ITPRIP: variants seen among roughly 807,000 people sequenced by gnomAD.
The protein encoded by ITPRIP is inositol 1,4,5-trisphosphate receptor interacting protein, also known as inositol 1,4,5-trisphosphate receptor-interacting protein.
A neutral mutation model predicts 35.8 loss-of-function variants in ITPRIP; 32 were observed. That is an observed-to-expected ratio of 0.89 (90% CI 0.68 to 1.20). The LOEUF is 1.20. ITPRIP is among the 50% of genes most tolerant of loss of function. ITPRIP has a pLI of 0.00. For synonymous variants in ITPRIP, 358 were observed against 324.0 expected (o/e 1.11, Z -1.13); for missense variants, 653 against 735.6 (o/e 0.89, Z 1.30).
chr10:104,318,483 G>A (rs924598861), intron 1 of ITPRIP, among the ~76,000 whole-genome samples: 3 of 152,334 alleles, frequency 2.0e-5, no homozygotes, highest in Middle Eastern at 3.4e-3. Context: ...TGTCAACTCA[G>A]TGCAGGATGC....
At position 104,312,892 on chromosome 10, in the gene ITPRIP, T is replaced by G; in HGVS notation, c.*1516A>C. 1 of 985,402 alleles carries G rather than the reference T, an allele frequency of 1.0e-6. No homozygotes were observed. Among genetic ancestry groups the G allele is most frequent in the Non-Finnish European group, 1.2e-6 (1 of 829,938 alleles). The allele number at this position is 985,402 out of a possible 1,614,324, so 61.0% of individuals were successfully genotyped here. On this transcript the variant is annotated 3_prime_UTR_variant, in exon 2 of 2. Coordinates refer to ENST00000337478, the MANE Select transcript of ITPRIP (RefSeq NM_001272013.2). ...GGAACACGGTATATTCTTGACTCCC[T>G]GGCCCCCTGCAAGGGTAACTGAAGT...
In ITPRIP at chr10:104,311,625, T is replaced by C. The variant is rs1406495413; in HGVS notation, c.*2783A>G. Reference sequence around the variant, plus strand: ...CCCTTCCCCAACATAACCAGCCTCTTGGCCTAGGGGCCAACTCTATTCATT... The same window carrying C: ...CCCTTCCCCAACATAACCAGCCTCTCGGCCTAGGGGCCAACTCTATTCATT... On this transcript the variant is annotated 3_prime_UTR_variant, in exon 2 of 2. Transcript: ENST00000337478. 1 of 152,226 alleles carries C rather than the reference T, an allele frequency of 6.6e-6. No individual in the cohort carries two copies. Among genetic ancestry groups the C allele is most frequent in the Non-Finnish European group, 1.5e-5 (1 of 68,028 alleles). 9.4% of individuals were successfully genotyped at this position (152,226 alleles called of 1,614,324 possible). A position where few individuals can be genotyped will look rare whatever the true frequency, so the allele number is the denominator to read the frequency against.
At chr10:104,327,962 G>C (rs967152357) in intron 1 of ITPRIP, among the ~76,000 whole-genome samples, 2 of 152,160 alleles carry the variant, frequency 1.3e-5, no homozygotes, top group Non-Finnish European at 2.9e-5. Context: ...GCTCCTCCAG[G>C]GCAAGGGCAG....
chr10:104,337,808 A>AG (rs903065372), intron 1 of ITPRIP, among the ~76,000 whole-genome samples: 5 of 152,066 alleles, frequency 3.3e-5, no homozygotes, highest in African/African-American at 1.2e-4. Flanking sequence ...GGGAAGGGGA[A>AG]GGGGAAAAGG....
At chr10:104,336,494 T>TGC (rs1554908969) in intron 1 of ITPRIP, among the ~76,000 whole-genome samples, 1 of 74,610 alleles carries the variant, frequency 1.3e-5, no homozygotes, top group Non-Finnish European at 3.0e-5. Flanking sequence ...TATTTTTTTT[T>TGC]GGGGGGGGGG....
chr10:104,325,015 C>T (rs1389470149), intron 1 of ITPRIP, among the ~76,000 whole-genome samples: 2 of 152,124 alleles, frequency 1.3e-5, no homozygotes, highest in South Asian at 2.1e-4. Context: ...CTCAGGAGTT[C>T]GAGACCAGCC....
At chr10:104,325,417 T>C (rs1187212514) in intron 1 of ITPRIP, among the ~76,000 whole-genome samples, 1 of 152,060 alleles carries the variant, frequency 6.6e-6, no homozygotes, top group East Asian at 1.9e-4. Flanking sequence ...GCTCCACCTT[T>C]CTCCCCAAAC....
chr10:104,314,707 A>C lies in ITPRIP; in HGVS notation c.1345T>G (p.Trp449Gly). 1 of 1,613,786 alleles carries C rather than the reference A, an allele frequency of 6.2e-7. No homozygotes were observed. Among genetic ancestry groups the C allele is most frequent in the Non-Finnish European group, 8.5e-7 (1 of 1,179,852 alleles). ...CGAGCGTCCAGCTGCCCCGCCTTCC[A>C]GTCGGCGGCCTGCCGGAGGAGTAGG... ...HLLLLRQAADWKAGQLDARLH... is the reference protein window; with the variant it reads ...HLLLLRQAADGKAGQLDARLH... Residue 449 changes from tryptophan to glycine, a missense_variant, in exon 2 of 2, where the codon TGG becomes GGG. Coordinates refer to ENST00000337478, the MANE Select transcript of ITPRIP (RefSeq NM_001272013.2).
Position 104,328,919 on chromosome 10 carries a change from C to T in ITPRIP, c.-14+9327G>A, listed in dbSNP as rs2014091064. ...CCCACACAGTGAAAGAAATCCCAGA[C>T]TGTTCTTCTACCCGAGTCCCCCTGC... On this transcript the variant is annotated intron_variant, in intron 1 of 1. Transcript: ENST00000337478. This position sits in a 1 kb window ranked among gnomAD's most constrained non-coding sequence, Gnocchi z 4.1. The T allele has an allele frequency of 6.6e-6, 1 of 152,192 alleles. No homozygotes were observed. The highest frequency in any genetic ancestry group is 1.5e-5 in the Non-Finnish European group (1 of 68,100). 9.4% of individuals were successfully genotyped at this position (152,192 alleles called of 1,614,324 possible).
At chr10:104,322,906 C>T (rs2013891369) in intron 1 of ITPRIP, among the ~76,000 whole-genome samples, 2 of 152,200 alleles carry the variant, frequency 1.3e-5, no homozygotes, top group Admixed American at 1.3e-4. Context: ...GAGGCCCAAA[C>T]TGCCATGAGT....
At chr10:104,334,486 C>T (rs577615715) in intron 1 of ITPRIP, among the ~76,000 whole-genome samples, 24 of 152,274 alleles carry the variant, frequency 1.6e-4, no homozygotes, top group Admixed American at 4.6e-4. Context: ...CAGTAGTTAT[C>T]GAATTTACGC....
chr10:104,322,502 C>T (rs887877278), intron 1 of ITPRIP, among the ~76,000 whole-genome samples: 1 of 152,218 alleles, frequency 6.6e-6, no homozygotes, highest in African/African-American at 2.4e-5. Flanking sequence ...TCAGAAATGC[C>T]AGGGCTGGGC....
intron 1 of ITPRIP, among the ~76,000 whole-genome samples, chr10:104,334,991 A>C (rs1469360142): frequency 4.6e-5 from 7 of 152,158 alleles, no homozygotes; most frequent in Non-Finnish European, 8.8e-5. Flanking sequence ...CTTGAGTCCA[A>C]ACCACTCTGA....
At position 104,338,306 on chromosome 10, in the gene ITPRIP, T is replaced by C. The variant is rs1379613953; in HGVS notation, c.-74A>G. 1 of 152,944 alleles carries C rather than the reference T, an allele frequency of 6.5e-6. No homozygotes were observed. Among genetic ancestry groups the C allele is most frequent in the Non-Finnish European group, 1.5e-5 (1 of 68,232 alleles). The allele number at this position is 152,944 out of a possible 1,614,324, so 9.5% of individuals were successfully genotyped here. A position where few individuals can be genotyped will look rare whatever the true frequency, so the allele number is the denominator to read the frequency against. ...GGGAGGACGGCTCCAGCACAGGCTTTGCGCGCAGGTCGAGGGCCGAGGCGC... is the reference window on the plus strand; with the variant it reads ...GGGAGGACGGCTCCAGCACAGGCTTCGCGCGCAGGTCGAGGGCCGAGGCGC... On this transcript the variant is annotated 5_prime_UTR_variant, in exon 1 of 2. Coordinates refer to ENST00000337478, the MANE Select transcript of ITPRIP (RefSeq NM_001272013.2).
In ITPRIP at chr10:104,316,036, A is replaced by G; in HGVS notation, c.16T>C (p.Phe6Leu). Reference sequence around the variant, plus strand: ...GTCACCACCACCAGACACACGCGGAAGAGCCCCATGGCCATGGTTGGAGCT... The same window carrying G: ...GTCACCACCACCAGACACACGCGGAGGAGCCCCATGGCCATGGTTGGAGCT... MAMGLFRVCLVVVTAI... is the reference protein window; with the variant it reads MAMGLLRVCLVVVTAI... Residue 6 changes from phenylalanine to leucine, a missense_variant, in exon 2 of 2, where the codon TTC (phenylalanine) becomes CTC (leucine). Coordinates refer to ENST00000337478, the MANE Select transcript of ITPRIP (RefSeq NM_001272013.2). 6.3e-7 allele frequency: 1 copy of G among 1,587,518 alleles called. No individual in the cohort carries two copies. The highest frequency in any genetic ancestry group is 8.6e-7 in the Non-Finnish European group (1 of 1,167,942).
chr10:104,321,235 T>G, intron 1 of ITPRIP, among the ~76,000 whole-genome samples: 1 of 152,320 alleles, frequency 6.6e-6, no homozygotes, highest in East Asian at 1.9e-4. Context: ...GCTTTGAGAA[T>G]AAACCTGGGT....
At chr10:104,336,559 G>A in intron 1 of ITPRIP, among the ~76,000 whole-genome samples, 1 of 150,850 alleles carries the variant, frequency 6.6e-6, no homozygotes, top group Non-Finnish European at 1.5e-5. Context: ...TCTGTCACCC[G>A]GATGGAGTGC....
intron 1 of ITPRIP, among the ~76,000 whole-genome samples, chr10:104,324,237 G>A (rs917511066): frequency 6.6e-6 from 1 of 152,198 alleles, no homozygotes; most frequent in African/African-American, 2.4e-5. Flanking sequence ...GAAGGGCTTT[G>A]CTCCAGCAAG....
intron 1 of ITPRIP, among the ~76,000 whole-genome samples, chr10:104,327,334 T>C (rs1366667008): frequency 1.3e-5 from 2 of 152,112 alleles, no homozygotes; most frequent in African/African-American, 2.4e-5. Context: ...CTTGTTTCCA[T>C]GGGACACAAG....
Sources: gnomAD v4.1 joint callset for allele counts (sites outside exome capture counted in the v4.1 genomes callset) on GRCh38, gnomAD v4.1.1 for gene constraint, Gnocchi (gnomAD v3.1) non-coding constraint, MANE v1.5 for transcripts, NCBI Gene and HGNC (gene_info 2026-07-23, HGNC 2026-07-21) for gene names.